The following FAM171B variants were observed in gnomAD, a reference collection of about 807,000 sequenced individuals.
FAM171B encodes the protein protein FAM171B.
FAM171B carries 19 observed loss-of-function variants against 75.6 expected under a neutral mutation model. That is an observed-to-expected ratio of 0.25 (90% confidence interval 0.18 to 0.37). The LOEUF is 0.37. Among genes scored for constraint, FAM171B ranks in the 10% least tolerant of loss-of-function variants. FAM171B has a pLI of 1.00. For synonymous variants in FAM171B, 367 were observed against 361.7 expected (o/e 1.01, Z -0.17); for missense variants, 848 against 982.4 (o/e 0.86, Z 1.83).
chr2:186,704,268 C>T (rs1357902751), intron 1 of FAM171B, among the ~76,000 whole-genome samples: 1 of 151,992 alleles, frequency 6.6e-6, no homozygotes, highest in Non-Finnish European at 1.5e-5. Flanking sequence ...TTGTATGAAA[C>T]AACTAATCTG....
intron 4 of FAM171B, among the ~76,000 whole-genome samples, chr2:186,749,515 C>T (rs1196286862): frequency 6.6e-6 from 1 of 152,204 alleles, no homozygotes; most frequent in African/African-American, 2.4e-5. Flanking sequence ...ATGTATGGCA[C>T]TGCTTTGCTC....
At chr2:186,713,635 A>G (rs1689837967) in intron 1 of FAM171B, among the ~76,000 whole-genome samples, 1 of 152,218 alleles carries the variant, frequency 6.6e-6, no homozygotes, top group South Asian at 2.1e-4. Context: ...AATGAAAACA[A>G]ATTGTGCTTC....
chr2:186,704,493 C>T lies in FAM171B; in HGVS notation c.238+10082C>T, dbSNP rs545907217. On this transcript the variant is annotated intron_variant, in intron 1 of 7. Coordinates refer to ENST00000304698, the MANE Select transcript of FAM171B (RefSeq NM_177454.4). ...GGCAGTGTTTGAAAAGTGTAAGACA[C>T]GAGCTAGAAACTCTTAAAAGACATT... 5.3e-5 allele frequency among the ~76,000 whole-genome samples: 8 copies of T among 152,152 alleles called. No homozygotes were observed. The East Asian group carries it at 5.8e-4, about 11-fold the overall frequency.
At chr2:186,753,047 A>G (rs758701344) in intron 5 of FAM171B, among the ~76,000 whole-genome samples, 1 of 152,238 alleles carries the variant, frequency 6.6e-6, no homozygotes, top group Non-Finnish European at 1.5e-5. Flanking sequence ...AAAACAGTAT[A>G]TTTAATCAGA....
chr2:186,698,138 T>C (rs1689607859), intron 1 of FAM171B, among the ~76,000 whole-genome samples: 1 of 152,142 alleles, frequency 6.6e-6, no homozygotes, highest in Non-Finnish European at 1.5e-5. Context: ...TTATATTAAT[T>C]CTGATGGCCC....
chr2:186,719,103 C>T (rs1001077317), intron 1 of FAM171B, among the ~76,000 whole-genome samples: 3 of 152,074 alleles, frequency 2.0e-5, no homozygotes, highest in Admixed American at 6.5e-5. Context: ...CAGGGAAAAC[C>T]GTACAATTTA....
At chr2:186,726,353 C>T (rs369292646) in intron 1 of FAM171B, among the ~76,000 whole-genome samples, 2 of 151,888 alleles carry the variant, frequency 1.3e-5, no homozygotes, top group African/African-American at 4.8e-5. Flanking sequence ...GAAAAGGAGG[C>T]TTTTCTATTT....
At chr2:186,761,298 G>C (rs568302154) in intron 7 of FAM171B, 62 bp downstream of exon 7, 2 of 1,553,550 alleles carry the variant, frequency 1.3e-6, no homozygotes, top group Admixed American at 4.4e-5. Context: ...AGTATATTCT[G>C]TACATTGAAA....
chr2:186,694,457 T>C lies in FAM171B; in HGVS notation c.238+46T>C, dbSNP rs760029368. 28 of 1,583,428 alleles carry C rather than the reference T, an allele frequency of 1.8e-5. No individual in the cohort carries two copies. In the Admixed American group the frequency reaches 4.9e-4, roughly 28 times the overall value. The stretch of plus-strand genomic sequence containing the variant: ...CCGGTCTTTCAGTCTCGGCCGGCGA[T>C]CTCTTAGGGCCTCGCCGGCTTCCTC... On this transcript the variant is annotated intron_variant, in intron 1 of 7. Transcript: ENST00000304698.
intron 1 of FAM171B, among the ~76,000 whole-genome samples, chr2:186,729,659 T>TC (rs1690085120): frequency 6.6e-6 from 1 of 152,148 alleles, no homozygotes; most frequent in Non-Finnish European, 1.5e-5. Flanking sequence ...CAGCTGAGGT[T>TC]TTTTTTGTTT....
intron 4 of FAM171B, among the ~76,000 whole-genome samples, chr2:186,749,664 T>G (rs1460834929): frequency 2.0e-5 from 3 of 152,188 alleles, no homozygotes; most frequent in Non-Finnish European, 2.9e-5. Flanking sequence ...GAGGACTCTT[T>G]CTGTGGCTGC....
At chr2:186,756,819 T>C (rs1413050197) in intron 6 of FAM171B, among the ~76,000 whole-genome samples, 2 of 152,176 alleles carry the variant, frequency 1.3e-5, no homozygotes, top group African/African-American at 2.4e-5. Flanking sequence ...AATGGGGGGT[T>C]TGCACAATTC....
intron 1 of FAM171B, among the ~76,000 whole-genome samples, chr2:186,705,709 C>T (rs1689724583): frequency 6.6e-6 from 1 of 152,060 alleles, no homozygotes; most frequent in Admixed American, 6.6e-5. Context: ...TGTTATTGTG[C>T]AGATATGATG....
At chr2:186,704,736 A>G (rs1443644900) in intron 1 of FAM171B, among the ~76,000 whole-genome samples, 1 of 152,216 alleles carries the variant, frequency 6.6e-6, no homozygotes, top group African/African-American at 2.4e-5. Flanking sequence ...TGTGTATTTT[A>G]AAATTGCTTC....
chr2:186,709,003 AG>A (rs1245204710), intron 1 of FAM171B, among the ~76,000 whole-genome samples: 1 of 152,208 alleles, frequency 6.6e-6, no homozygotes, highest in East Asian at 1.9e-4. Context: ...GAAATATAGC[AG>A]CATCTGCTTC....
chr2:186,735,780 A>C (rs1559088022), intron 1 of FAM171B, among the ~76,000 whole-genome samples: 1 of 152,220 alleles, frequency 6.6e-6, no homozygotes. Context: ...TTGATTTTAA[A>C]TTGTTACAAC....
intron 6 of FAM171B, 141 bp downstream of exon 6, chr2:186,754,190 T>A (rs1398337524): frequency 1.9e-6 from 1 of 533,014 alleles, no homozygotes; most frequent in Admixed American, 3.4e-5. Flanking sequence ...TCTCAGCTTA[T>A]TTTTTTTTCA....
At chr2:186,750,120 A>G (rs75031450) in intron 4 of FAM171B, among the ~76,000 whole-genome samples, 108 of 152,318 alleles carry the variant, frequency 7.1e-4, no homozygotes, top group African/African-American at 2.3e-3. Context: ...CAAAGATTCA[A>G]AAGTGTAGAC....
intron 1 of FAM171B, among the ~76,000 whole-genome samples, chr2:186,716,152 A>G (rs1034565308): frequency 2.0e-5 from 3 of 152,150 alleles, no homozygotes; most frequent in Non-Finnish European, 4.4e-5. Context: ...AGCTGGGACT[A>G]TAGGTGTGCA....
Sources: allele counts gnomAD v4.1 joint callset (sites outside exome capture counted in the v4.1 genomes callset), GRCh38; gene constraint gnomAD v4.1.1; transcripts MANE v1.5; gene names NCBI Gene and HGNC (gene_info 2026-07-23, HGNC 2026-07-21).